Variants in CFAP20DC observed in about 807,000 individuals in gnomAD.
CFAP20DC encodes the protein protein CFAP20DC.
A neutral mutation model predicts 101.7 loss-of-function variants in CFAP20DC; 84 were observed. The ratio of observed to expected loss-of-function variants is 0.83; its 90% CI spans 0.69 to 0.99. CFAP20DC has a LOEUF of 0.99. Among genes scored for constraint, CFAP20DC ranks in the 50% least tolerant of loss-of-function variants. The pLI is 0.00. For synonymous variants in CFAP20DC, 359 were observed against 351.2 expected, an observed-to-expected ratio of 1.02 and a Z score of -0.25; for missense variants, 1,007 against 970.3, an observed-to-expected ratio of 1.04 and a Z score of -0.50.
downstream of CFAP20DC, among the ~76,000 whole-genome samples, chr3:58,741,599 C>T (rs978948220): frequency 1.3e-5 from 2 of 151,804 alleles, no homozygotes; most frequent in Non-Finnish European, 2.9e-5. Context: ...TGGGTTCGCG[C>T]CATTCTCCTG....
intron 6 of CFAP20DC, among the ~76,000 whole-genome samples, chr3:58,908,351 G>A (rs375193945): frequency 7.9e-5 from 12 of 152,078 alleles, no homozygotes; most frequent in Non-Finnish European, 1.3e-4. Flanking sequence ...CCACCACCCC[G>A]TTTTCCTTCC....
At chr3:58,783,989 C>A (rs1378033594) in intron 15 of CFAP20DC, among the ~76,000 whole-genome samples, 2 of 151,896 alleles carry the variant, frequency 1.3e-5, no homozygotes, top group Non-Finnish European at 2.9e-5. Context: ...GTTCTTTAAA[C>A]CCTTGCCTCC....
intron 15 of CFAP20DC, among the ~76,000 whole-genome samples, chr3:58,772,478 A>T (rs1046940793): frequency 6.6e-6 from 1 of 152,194 alleles, no homozygotes; most frequent in Non-Finnish European, 1.5e-5. Context: ...AATTAAGGAG[A>T]TGGGACACTA....
chr3:58,890,149 C>G (rs1158980186), intron 6 of CFAP20DC, among the ~76,000 whole-genome samples: 1 of 150,794 alleles, frequency 6.6e-6, no homozygotes, highest in Non-Finnish European at 1.5e-5. Flanking sequence ...GCGCCCCTCA[C>G]CTCCCGGACG....
At position 58,866,660 on chromosome 3, in the gene CFAP20DC, T is replaced by G. The variant is rs761833171; in HGVS notation, c.1164A>C (p.Glu388Asp). The part of the protein sequence containing the change: ...SGSSSGNNRI[E>D]DKASTILTTV... ...TGGTGAGGATAGTTGATGCTTTATC[T>G]TCAATCCTATTATTTCCTGAAGAGC... Residue 388 changes from glutamate to aspartate, a missense_variant, in exon 11 of 17, where the codon GAA becomes GAC. Glu to Asp is a conservative substitution (Grantham distance 45, BLOSUM62 2). Transcript: ENST00000482387. 1 of 1,589,956 alleles carries G rather than the reference T, an allele frequency of 6.3e-7. No individual in the cohort carries two copies. Among genetic ancestry groups the G allele is most frequent in the South Asian group, 1.1e-5 (1 of 90,462 alleles).
intron 15 of CFAP20DC, among the ~76,000 whole-genome samples, chr3:58,790,022 T>G (rs915215382): frequency 6.6e-6 from 1 of 152,206 alleles, no homozygotes; most frequent in Admixed American, 6.5e-5. Context: ...TTATCCTTAT[T>G]AACAATTATA....
At chr3:58,792,016 C>T (rs552362110) in intron 15 of CFAP20DC, among the ~76,000 whole-genome samples, 1 of 152,278 alleles carries the variant, frequency 6.6e-6, no homozygotes, top group East Asian at 1.9e-4. Flanking sequence ...ATTTGGGGAA[C>T]AGTGTCAGTA....
intron 4 of CFAP20DC, among the ~76,000 whole-genome samples, chr3:59,022,685 TCA>T (rs1435646355): frequency 1.3e-5 from 2 of 152,112 alleles, no homozygotes; most frequent in Non-Finnish European, 2.9e-5. Context: ...CACATTACTG[TCA>T]TTGTTTGAAA....
chr3:58,820,383 T>C (rs1452577192), intron 14 of CFAP20DC, among the ~76,000 whole-genome samples: 1 of 150,382 alleles, frequency 6.6e-6, no homozygotes, highest in Non-Finnish European at 1.5e-5. Flanking sequence ...TGATTGTATA[T>C]CTAGAAAACC....
At chr3:58,743,800 T>C (rs535390202) in intron 16 of CFAP20DC, among the ~76,000 whole-genome samples, 5 of 152,324 alleles carry the variant, frequency 3.3e-5, no homozygotes, top group Non-Finnish European at 4.4e-5. Context: ...TGTCAGGACA[T>C]TGACAAACTG....
At chr3:58,881,544 A>C (rs2081230267) in intron 7 of CFAP20DC, among the ~76,000 whole-genome samples, 1 of 152,190 alleles carries the variant, frequency 6.6e-6, no homozygotes, top group East Asian at 1.9e-4. Context: ...GCTCTTGATC[A>C]AGTTATATGC....
intron 2 of CFAP20DC, among the ~76,000 whole-genome samples, chr3:59,046,703 A>C (rs1479060276): frequency 1.3e-5 from 2 of 152,218 alleles, no homozygotes; most frequent in Non-Finnish European, 2.9e-5. Context: ...TGAAGAAGAG[A>C]GTGGAGTAAT....
intron 5 of CFAP20DC, among the ~76,000 whole-genome samples, chr3:58,931,901 G>C (rs1450063856): frequency 6.6e-6 from 1 of 152,222 alleles, no homozygotes; most frequent in African/African-American, 2.4e-5. Flanking sequence ...TTCCTCTCCA[G>C]CAACGGAACA....
At position 59,045,499 on chromosome 3, in the gene CFAP20DC, C is replaced by G. The variant is rs189800212; in HGVS notation, c.205+730G>C. On this transcript the variant is annotated intron_variant, in intron 3 of 16. Coordinates refer to ENST00000482387, the MANE Select transcript of CFAP20DC (RefSeq NM_001394063.1). The stretch of plus-strand genomic sequence containing the variant: ...GATAAATCATATTCCTTAAATCAAT[C>G]AGTTTACTCAAGGTCTAATTTAGTA... Among the ~76,000 whole-genome samples, 111 of 152,164 alleles carry G rather than the reference C, an allele frequency of 7.3e-4. 4 individuals carry two copies. In the South Asian group the frequency reaches 0.02, roughly 28 times the overall value.
intron 16 of CFAP20DC, among the ~76,000 whole-genome samples, chr3:58,748,504 G>A (rs536614614): frequency 3.3e-5 from 5 of 152,052 alleles, no homozygotes; most frequent in South Asian, 2.1e-4. Flanking sequence ...GATTTCCCCC[G>A]TCTGTAATCA....
chr3:59,003,881 C>G (rs943871515), intron 4 of CFAP20DC, among the ~76,000 whole-genome samples: 1 of 152,192 alleles, frequency 6.6e-6, no homozygotes, highest in Non-Finnish European at 1.5e-5. Flanking sequence ...TTACTAAGGG[C>G]TCTTTTCAGA....
At chr3:58,941,951 A>G (rs903058646) in intron 4 of CFAP20DC, among the ~76,000 whole-genome samples, 8 of 152,194 alleles carry the variant, frequency 5.3e-5, no homozygotes, top group Non-Finnish European at 7.3e-5. Context: ...TTTATTCCCA[A>G]TCACAGGGAG....
chr3:58,738,755 G>A (rs982298346), downstream of CFAP20DC, among the ~76,000 whole-genome samples: 23 of 151,992 alleles, frequency 1.5e-4, no homozygotes, highest in African/African-American at 5.3e-4. The surrounding 1 kb of genome is among the most constrained non-coding windows in gnomAD (Gnocchi z 4.4). Flanking sequence ...GGTCTTTGAG[G>A]AAGGTGATTC....
chr3:58,791,347 G>A (rs2072836396), intron 15 of CFAP20DC, among the ~76,000 whole-genome samples: 1 of 151,992 alleles, frequency 6.6e-6, no homozygotes, highest in Non-Finnish European at 1.5e-5. Context: ...ACACTTTATG[G>A]TGGGTAGTAA....
Sources: gnomAD v4.1 joint callset for allele counts (sites outside exome capture counted in the v4.1 genomes callset) on GRCh38, gnomAD v4.1.1 for gene constraint, Gnocchi (gnomAD v3.1) non-coding constraint, MANE v1.5 for transcripts, NCBI Gene and HGNC (gene_info 2026-07-23, HGNC 2026-07-21) for gene names.